Variants in CCDC178 observed in about 807,000 individuals in gnomAD.
CCDC178 encodes coiled-coil domain containing 178, also known as coiled-coil domain-containing protein 178.
A neutral mutation model predicts 117.4 loss-of-function variants in CCDC178; 126 were observed. The observed-to-expected ratio is 1.07, with a 90% confidence interval of 0.93 to 1.24. The LOEUF is 1.24. CCDC178 is among the 50% of genes most tolerant of loss of function. The pLI is 0.00. For missense variants in CCDC178, 1,030 were observed against 986.9 expected (o/e 1.04, Z -0.59); for synonymous variants, 283 against 313.4 (o/e 0.90, Z 1.02).
chr18:33,090,811 T>C (rs887694209), intron 21 of CCDC178, among the ~76,000 whole-genome samples: 2 of 152,188 alleles, frequency 1.3e-5, no homozygotes, highest in African/African-American at 4.8e-5. Flanking sequence ...GTTTGAGGGA[T>C]CACAAACATA....
At chr18:33,146,876 T>C (rs913457450) in intron 20 of CCDC178, among the ~76,000 whole-genome samples, 5 of 152,204 alleles carry the variant, frequency 3.3e-5, no homozygotes, top group Non-Finnish European at 4.4e-5. Context: ...GAAAGTCTAA[T>C]GCGTTTTTAA....
rs79483328 is a variant in CCDC178, at chr18:33,288,935, G to A, written c.1176+4224C>T. 4.7e-3 allele frequency among the ~76,000 whole-genome samples: 716 copies of A among 152,272 alleles called. 4 individuals carry two copies. The highest frequency in any genetic ancestry group is 0.016 in the African/African-American group (684 of 41,562). On this transcript the variant is annotated intron_variant, in intron 12 of 22. Coordinates refer to ENST00000383096, the MANE Select transcript of CCDC178 (RefSeq NM_001105528.4). ...TAGAGTATAGAGTCAGAGGGAAAGT[G>A]GGAGCAAGAAAGAGGCTGGAGACAG...
At chr18:33,110,452 T>C (rs1193375393) in intron 20 of CCDC178, among the ~76,000 whole-genome samples, 1 of 151,654 alleles carries the variant, frequency 6.6e-6, no homozygotes, top group Non-Finnish European at 1.5e-5. Flanking sequence ...TTGTGTCTCA[T>C]TTAAAACAAC....
At chr18:33,064,494 T>C (rs1454756785) in intron 21 of CCDC178, among the ~76,000 whole-genome samples, 5 of 152,134 alleles carry the variant, frequency 3.3e-5, no homozygotes, top group African/African-American at 1.2e-4. Context: ...AATAACCCAG[T>C]CAGACAAATC....
Position 32,965,986 on chromosome 18 carries a change from T to G in CCDC178, c.2523+8561A>C, listed in dbSNP as rs963656119. Reference sequence around the variant, plus strand: ...ATAATAGAATCAATTTTTAATTATATCTTTTTCCATGAAAATGTATTTATT... The same window carrying G: ...ATAATAGAATCAATTTTTAATTATAGCTTTTTCCATGAAAATGTATTTATT... On this transcript the variant is annotated intron_variant, in intron 22 of 22. Coordinates refer to ENST00000383096, the MANE Select transcript of CCDC178 (RefSeq NM_001105528.4). Among the ~76,000 whole-genome samples, 18 of 149,752 alleles carry G rather than the reference T, an allele frequency of 1.2e-4. No homozygotes were observed. The South Asian group carries it at 1.7e-3, about 14-fold the overall frequency.
intron 2 of CCDC178, among the ~76,000 whole-genome samples, chr18:33,417,583 C>A (rs745314111): frequency 6.6e-6 from 1 of 151,436 alleles, no homozygotes; most frequent in East Asian, 1.9e-4. Context: ...CAAGTATTAC[C>A]GCTGAAATCT....
intron 15 of CCDC178, 22 bp from the exon 16 acceptor site, chr18:33,226,877 A>G (rs1192338851): frequency 7.2e-7 from 1 of 1,386,862 alleles, no homozygotes; most frequent in Non-Finnish European, 9.9e-7. Flanking sequence ...GAAATTTTTA[A>G]AATGAGGATT....
intron 11 of CCDC178, among the ~76,000 whole-genome samples, chr18:33,304,836 AC>A (rs970051552): frequency 2.6e-5 from 4 of 152,186 alleles, no homozygotes; most frequent in Admixed American, 2.6e-4. Context: ...GCTGGAAGGC[AC>A]CATAAAAGGA....
chr18:33,346,738 C>A (rs1183633165), intron 8 of CCDC178, among the ~76,000 whole-genome samples: 1 of 151,974 alleles, frequency 6.6e-6, no homozygotes, highest in Non-Finnish European at 1.5e-5. Context: ...ATTTTAAAAT[C>A]ATGCTTGTGT....
At chr18:33,031,731 A>C (rs2056347399) in intron 21 of CCDC178, among the ~76,000 whole-genome samples, 2 of 152,080 alleles carry the variant, frequency 1.3e-5, no homozygotes, top group African/African-American at 4.8e-5. Flanking sequence ...AGTCCTAGAC[A>C]TATATGCAAC....
At chr18:33,287,787 T>C (rs1230038115) in intron 12 of CCDC178, among the ~76,000 whole-genome samples, 1 of 151,890 alleles carries the variant, frequency 6.6e-6, no homozygotes, top group Non-Finnish European at 1.5e-5. Context: ...TCAAAATAAA[T>C]GAATGAATAA....
intron 2 of CCDC178, among the ~76,000 whole-genome samples, chr18:33,435,145 G>A (rs547466028): frequency 1.3e-5 from 2 of 152,168 alleles, no homozygotes; most frequent in South Asian, 4.1e-4. Context: ...AACAGCTTTA[G>A]TTTATTCCAC....
At chr18:33,138,062 A>T (rs943837438) in intron 20 of CCDC178, among the ~76,000 whole-genome samples, 13 of 152,216 alleles carry the variant, frequency 8.5e-5, no homozygotes, top group Non-Finnish European at 1.6e-4. Context: ...ACCTAGTCTC[A>T]CATGAGTTCA....
intron 14 of CCDC178, among the ~76,000 whole-genome samples, chr18:33,252,395 T>C (rs1369039071): frequency 6.6e-6 from 1 of 151,806 alleles, no homozygotes; most frequent in Non-Finnish European, 1.5e-5. Flanking sequence ...AACTAACATG[T>C]GGGTGAGTAG....
intron 21 of CCDC178, among the ~76,000 whole-genome samples, chr18:32,993,286 G>T (rs1009504430): frequency 1.5e-4 from 23 of 152,224 alleles, no homozygotes; most frequent in Middle Eastern, 3.2e-3. Flanking sequence ...CAGGGACAGG[G>T]TGGAAGCAGC....
intron 22 of CCDC178, chr18:32,958,050 A>G (rs2054630101): frequency 3.0e-6 from 1 of 334,706 alleles, no homozygotes; most frequent in Non-Finnish European, 5.5e-6. Context: ...ACAGGGTTAC[A>G]TGATTGAACT....
At chr18:32,963,347 G>A (rs185592331) in intron 22 of CCDC178, among the ~76,000 whole-genome samples, 1 of 151,928 alleles carries the variant, frequency 6.6e-6, no homozygotes, top group African/African-American at 2.4e-5. Flanking sequence ...GCTCATTCCT[G>A]TTTTAAGTCC....
chr18:33,063,982 A>G (rs1391768633), intron 21 of CCDC178, among the ~76,000 whole-genome samples: 2 of 152,234 alleles, frequency 1.3e-5, no homozygotes, highest in African/African-American at 4.8e-5. Flanking sequence ...CCAGATTCAA[A>G]GCCAAAGCAA....
intron 20 of CCDC178, among the ~76,000 whole-genome samples, chr18:33,193,720 A>G: frequency 6.6e-6 from 1 of 152,184 alleles, no homozygotes; most frequent in East Asian, 1.9e-4. Flanking sequence ...GTTATAGTAA[A>G]CTATATTTAA....
Sources: gnomAD v4.1 joint callset for allele counts (sites outside exome capture counted in the v4.1 genomes callset) on GRCh38, gnomAD v4.1.1 for gene constraint, MANE v1.5 for transcripts, NCBI Gene and HGNC (gene_info 2026-07-23, HGNC 2026-07-21) for gene names.